ERICH5: variants seen among roughly 807,000 people sequenced by gnomAD.
The protein encoded by ERICH5 is glutamate-rich protein 5.
Under a neutral mutation model 28.0 loss-of-function variants are expected in ERICH5, and 24 were observed. The ratio of observed to expected loss-of-function variants is 0.86; its 90% CI spans 0.62 to 1.21. The LOEUF (loss-of-function observed/expected upper bound fraction) is 1.21, where lower values mean the gene tolerates loss of function less well. ERICH5 is among the 50% of genes most tolerant of loss of function. The probability of loss-of-function intolerance (pLI) is 0.00; values close to 1 mark genes in which losing one functional copy is unlikely to be tolerated. For synonymous variants in ERICH5, 163 were observed against 157.6 expected (o/e 1.03, Z -0.25); for missense variants, 421 against 441.2 (o/e 0.95, Z 0.41).
chr8:98,091,920 CCTTTCTTT>C (rs1363100223), intron 2 of ERICH5, among the ~76,000 whole-genome samples: 1 of 26,764 alleles, frequency 3.7e-5, no homozygotes, highest in Non-Finnish European at 7.9e-5. Flanking sequence ...TTTCTTTCTT[CCTTTCTTT>C]CTTTCTTCCT....
intron 1 of ERICH5, among the ~76,000 whole-genome samples, chr8:98,081,293 G>T (rs1815179856): frequency 1.3e-5 from 2 of 151,654 alleles, no homozygotes; most frequent in Non-Finnish European, 2.9e-5. Context: ...TTTTGGTAGA[G>T]ACAGGTTTCG....
chr8:98,076,957 C>T (rs1586201331), intron 1 of ERICH5, among the ~76,000 whole-genome samples: 1 of 152,046 alleles, frequency 6.6e-6, no homozygotes, highest in East Asian at 1.9e-4. Context: ...GCTGTGTGCC[C>T]CTCTTAGATA....
At chr8:98,084,660 T>G (rs1815240348) in intron 1 of ERICH5, among the ~76,000 whole-genome samples, 1 of 152,138 alleles carries the variant, frequency 6.6e-6, no homozygotes, top group African/African-American at 2.4e-5. Context: ...GGATTACAGG[T>G]GTGAGCCACC....
chr8:98,068,873 C>T (rs1319245196), intron 1 of ERICH5, among the ~76,000 whole-genome samples: 1 of 152,210 alleles, frequency 6.6e-6, no homozygotes. Flanking sequence ...TTTGTTCTAA[C>T]CTGAACTTTC....
chr8:98,089,544 CT>C lies in ERICH5; in HGVS notation c.528del (p.Glu177ArgfsTer9), dbSNP rs776589874. 8.7e-6 allele frequency: 14 copies of C among 1,614,184 alleles called. No homozygotes were observed. The highest frequency in any genetic ancestry group is 5.0e-5 in the Admixed American group (3 of 60,032). ...GACTCTCTCAGAGCAGTGGAGGTCA[CT>C]GAGAATCCACAAACTGCTGCAGAGA... ...EKDSLRAVEV[T>X]ENPQTAAEMK... On this transcript the variant is annotated frameshift_variant, in exon 2 of 3. Transcript: ENST00000318528. LOFTEE classifies it high-confidence loss of function.
intron 1 of ERICH5, among the ~76,000 whole-genome samples, chr8:98,077,437 C>G (rs570713391): frequency 6.6e-6 from 1 of 152,280 alleles, no homozygotes; most frequent in Non-Finnish European, 1.5e-5. Context: ...ATGAAACTCT[C>G]TTTTTTCAGT....
intron 1 of ERICH5, among the ~76,000 whole-genome samples, chr8:98,075,214 G>A (rs1053322334): frequency 2.0e-5 from 3 of 152,144 alleles, no homozygotes; most frequent in Admixed American, 6.6e-5. Flanking sequence ...AGACTCTGAA[G>A]TTTGATGATG....
Position 98,075,785 on chromosome 8 carries a change from C to CTTTTTTTTTTTTTTTTTTTTTTTT in ERICH5, c.58+11077_58+11078insTTTTTTTTTTTTTTTTTTTTTTTT, listed in dbSNP as rs1296283210. Among the ~76,000 whole-genome samples the CTTTTTTTTTTTTTTTTTTTTTTTT allele has an allele frequency of 1.1e-4, 9 of 81,650 alleles. 2 individuals carry two copies. Among genetic ancestry groups the CTTTTTTTTTTTTTTTTTTTTTTTT allele is most frequent in the African/African-American group, 4.1e-4 (9 of 21,720 alleles). The allele number at this position is 81,650 out of a possible 152,430, so 53.6% of individuals were successfully genotyped here. On this transcript the variant is annotated intron_variant, in intron 1 of 2. Coordinates refer to ENST00000318528, the MANE Select transcript of ERICH5 (RefSeq NM_173549.3). ...TAACTCCCATCTCAAGCACACCTGC[C>CTTTTTTTTTTTTTTTTTTTTTTTT]TTTTTTTTTTTTTTTTTTTGAGACA...
intron 2 of ERICH5, 32 bp from the exon 3 acceptor site, chr8:98,093,189 T>G (rs1314155447): frequency 7.0e-7 from 1 of 1,426,326 alleles, no homozygotes; most frequent in Non-Finnish European, 9.8e-7. Flanking sequence ...TAAATAAATG[T>G]CTCTTAGTAT....
intron 1 of ERICH5, among the ~76,000 whole-genome samples, chr8:98,075,888 G>A (rs1356061293): frequency 6.8e-6 from 1 of 146,890 alleles, no homozygotes; most frequent in African/African-American, 2.5e-5. Context: ...TTACAGATGT[G>A]AGCCACCGTG....
chr8:98,076,214 C>T (rs952280727), intron 1 of ERICH5, among the ~76,000 whole-genome samples: 1 of 152,024 alleles, frequency 6.6e-6, no homozygotes, highest in Non-Finnish European at 1.5e-5. Flanking sequence ...CCACCATGCT[C>T]AGATAATTTT....
Position 98,087,572 on chromosome 8 carries a change from C to T in ERICH5, c.59-1504C>T, listed in dbSNP as rs780726207. ...TAACTTTTGACTTATTTTCTTCCAG[C>T]TTTCCTCCCCCATCATTTGTGATTT... On this transcript the variant is annotated intron_variant, in intron 1 of 2. Coordinates refer to ENST00000318528, the MANE Select transcript of ERICH5 (RefSeq NM_173549.3). 6.5e-4 allele frequency among the ~76,000 whole-genome samples: 99 copies of T among 152,074 alleles called. 1 individual carries two copies. Among genetic ancestry groups the T allele is most frequent in the Non-Finnish European group, 2.2e-4 (15 of 68,014 alleles).
At chr8:98,066,992 T>A (rs949703257) in intron 1 of ERICH5, among the ~76,000 whole-genome samples, 1 of 152,238 alleles carries the variant, frequency 6.6e-6, no homozygotes, top group African/African-American at 2.4e-5. Flanking sequence ...ATATAATAGG[T>A]CCTCAGTAAT....
At chr8:98,073,403 CCTCTCTCTCT>C (rs372150799) in intron 1 of ERICH5, among the ~76,000 whole-genome samples, 2 of 26,842 alleles carry the variant, frequency 7.5e-5, no homozygotes, top group East Asian at 3.2e-3. Flanking sequence ...ATAGTGAGAC[CCTCTCTCTCT>C]CTCTCTCTCT....
rs1815445280 is a variant in ERICH5, at chr8:98,093,424, A to T, written c.*91A>T. The T allele has an allele frequency of 1.2e-6, 1 of 815,896 alleles. No homozygotes were observed. Among genetic ancestry groups the T allele is most frequent in the Admixed American group, 2.5e-5 (1 of 39,398 alleles). 50.5% of individuals were successfully genotyped at this position (815,896 alleles called of 1,614,324 possible). On this transcript the variant is annotated 3_prime_UTR_variant, in exon 3 of 3. Coordinates refer to ENST00000318528, the MANE Select transcript of ERICH5 (RefSeq NM_173549.3). ...TTATGTATCTTATCTTTCTACATTTACATGTTTTCTGTAAGGAGTGTGGTT... is the reference window on the plus strand; with the variant it reads ...TTATGTATCTTATCTTTCTACATTTTCATGTTTTCTGTAAGGAGTGTGGTT...
At chr8:98,067,261 C>G (rs1237797410) in intron 1 of ERICH5, among the ~76,000 whole-genome samples, 1 of 151,086 alleles carries the variant, frequency 6.6e-6, no homozygotes, top group African/African-American at 2.4e-5. Context: ...ATAGTAAGAC[C>G]CTGTATCTAA....
At chr8:98,076,950 G>T (rs1258663892) in intron 1 of ERICH5, among the ~76,000 whole-genome samples, 1 of 152,130 alleles carries the variant, frequency 6.6e-6, no homozygotes, top group African/African-American at 2.4e-5. Context: ...CTCACTAGCT[G>T]TGTGCCCCTC....
intron 2 of ERICH5, among the ~76,000 whole-genome samples, chr8:98,091,916 TCTTC>T (rs1377648166): frequency 0.017 from 1,503 of 89,698 alleles, 8 homozygotes; most frequent in Admixed American, 0.023. Context: ...TTTCTTTCTT[TCTTC>T]CTTTCTTTCT....
rs769042472 is a variant in ERICH5, at chr8:98,070,660, C to CAAAAAAAAAAAAAAAAAA, written c.58+5938_58+5955dup. The stretch of plus-strand genomic sequence containing the variant: ...GGGCAACAAGAGTGAAACTGCATCT[C>CAAAAAAAAAAAAAAAAAA]AAAAAAAAAAAAAAAAAAAAAAGAA... On this transcript the variant is annotated intron_variant, in intron 1 of 2. Transcript: ENST00000318528. Among the ~76,000 whole-genome samples the CAAAAAAAAAAAAAAAAAA allele has an allele frequency of 2.9e-3, 113 of 38,738 alleles. 6 individuals are homozygous for CAAAAAAAAAAAAAAAAAA. The highest frequency in any genetic ancestry group is 4.1e-3 in the Non-Finnish European group (79 of 19,418). 25.4% of individuals were successfully genotyped at this position (38,738 alleles called of 152,430 possible).
Sources: allele counts gnomAD v4.1 joint callset (sites outside exome capture counted in the v4.1 genomes callset), GRCh38; gene constraint gnomAD v4.1.1; transcripts MANE v1.5; gene names NCBI Gene and HGNC (gene_info 2026-07-23, HGNC 2026-07-21).